CPNE3: variants seen among roughly 807,000 people sequenced by gnomAD.
CPNE3 encodes copine-3.
A neutral mutation model predicts 63.9 loss-of-function variants in CPNE3; 68 were observed. That is an observed-to-expected ratio of 1.06 (90% CI 0.87 to 1.30). The LOEUF (loss-of-function observed/expected upper bound fraction) is 1.30. CPNE3 is among the 50% of genes most tolerant of loss of function. The pLI is 0.00. For synonymous variants in CPNE3, 219 were observed against 197.5 expected, an observed-to-expected ratio of 1.11 and a Z score of -0.91; for missense variants, 665 against 578.1, an observed-to-expected ratio of 1.15 and a Z score of -1.54.
At chr8:86,527,304 C>A (rs1820562340) in intron 2 of CPNE3, among the ~76,000 whole-genome samples, 2 of 152,132 alleles carry the variant, frequency 1.3e-5, no homozygotes, top group Non-Finnish European at 2.9e-5. Flanking sequence ...ATGCCTAGTT[C>A]CTTTTCATGG....
chr8:86,516,190 C>G (rs28687116), intron 2 of CPNE3, among the ~76,000 whole-genome samples: 1 of 152,052 alleles, frequency 6.6e-6, no homozygotes, highest in East Asian at 1.9e-4. Context: ...CAAAAGGTGC[C>G]TGGCACAAAC....
intron 2 of CPNE3, among the ~76,000 whole-genome samples, chr8:86,526,615 C>T (rs961109871): frequency 2.6e-5 from 4 of 151,942 alleles, no homozygotes; most frequent in Non-Finnish European, 4.4e-5. Flanking sequence ...CAGTCTCAAG[C>T]GATCCTCCTA....
chr8:86,556,084 G>A lies in CPNE3; in HGVS notation c.1255-18G>A, dbSNP rs770823648. ...ATTGCTTGACTTGCTCAGGGGACATGTTTTCTTTTTCTGGCAGCAATATTT... is the reference window on the plus strand; with the variant it reads ...ATTGCTTGACTTGCTCAGGGGACATATTTTCTTTTTCTGGCAGCAATATTT... On this transcript the variant is annotated intron_variant, in intron 15 of 16. Transcript: ENST00000517490. The A allele has an allele frequency of 2.3e-6, 2 of 871,260 alleles. No homozygotes were observed. The highest frequency in any genetic ancestry group is 1.7e-5 in the Admixed American group (1 of 59,144). The allele number at this position is 871,260 out of a possible 1,614,324, so 54.0% of individuals were successfully genotyped here.
intron 7 of CPNE3, 37 bp downstream of exon 7, chr8:86,537,683 T>C: frequency 8.7e-7 from 1 of 1,153,486 alleles, no homozygotes; most frequent in South Asian, 1.2e-5. Context: ...GTGGAGGTGT[T>C]CTTTGAAATT....
intron 5 of CPNE3, 106 bp downstream of exon 5, chr8:86,531,335 A>G (rs924424617): frequency 2.4e-5 from 17 of 701,454 alleles, no homozygotes; most frequent in Middle Eastern, 2.4e-4. Flanking sequence ...TTGTCACTCA[A>G]TCTTGAATGT....
chr8:86,553,064 A>ATGT (rs1377333379), intron 14 of CPNE3, among the ~76,000 whole-genome samples: 1 of 148,458 alleles, frequency 6.7e-6, no homozygotes, highest in Non-Finnish European at 1.5e-5. Context: ...GGGTTTCACC[A>ATGT]TGTTGGCCAG....
intron 3 of CPNE3, 25 bp from the exon 4 acceptor site, chr8:86,528,920 T>C (rs1820603372): frequency 1.9e-6 from 3 of 1,587,072 alleles, no homozygotes; most frequent in Non-Finnish European, 2.6e-6. Flanking sequence ...TGAAGAAACT[T>C]TTTTGTTTTT....
Position 86,556,770 on chromosome 8 carries a change from T to A in CPNE3, c.1491+432T>A, listed in dbSNP as rs1585929237. Among the ~76,000 whole-genome samples, 6 of 152,182 alleles carry A rather than the reference T, an allele frequency of 3.9e-5. No individual in the cohort carries two copies. In the South Asian group the frequency reaches 1.2e-3, roughly 32 times the overall value. On this transcript the variant is annotated intron_variant, in intron 16 of 16. Transcript: ENST00000517490. ...ACAGTGGTATAATCAAGATGCATCA[T>A]AAGGATCCCCCTGGTTGCCCTTTTA...
Position 86,537,571 on chromosome 8 carries a change from TG to T in CPNE3, c.470del (p.Gly157GlufsTer19). ...GTTTGTTTTAAATGTAGGATCTATTTGGAAAGTCAGACCCATACCTGGAATT... is the reference window on the plus strand; with the variant it reads ...GTTTGTTTTAAATGTAGGATCTATTTGAAAGTCAGACCCATACCTGGAATT... ...ARKLDNKDLF[G>X]KSDPYLEFHK... On this transcript the variant is annotated frameshift_variant, in exon 7 of 17. Coordinates refer to ENST00000517490, the MANE Select transcript of CPNE3 (RefSeq NM_003909.5). LOFTEE classifies it high-confidence loss of function. 2 of 1,597,846 alleles carry T rather than the reference TG, an allele frequency of 1.3e-6. No individual in the cohort carries two copies. The highest frequency in any genetic ancestry group is 1.7e-6 in the Non-Finnish European group (2 of 1,165,362).
intron 2 of CPNE3, among the ~76,000 whole-genome samples, chr8:86,522,984 A>G (rs1345834513): frequency 6.6e-6 from 1 of 152,216 alleles, no homozygotes. Context: ...TGTAAATCCC[A>G]AAAATCATTA....
intron 8 of CPNE3, among the ~76,000 whole-genome samples, chr8:86,541,880 A>AT (rs1820950128): frequency 6.6e-6 from 1 of 152,160 alleles, no homozygotes; most frequent in South Asian, 2.1e-4. Context: ...ATTTTTTATC[A>AT]TTTTGCCAAA....
chr8:86,541,836 C>T (rs114033448), intron 8 of CPNE3, among the ~76,000 whole-genome samples: 55 of 151,966 alleles, frequency 3.6e-4, no homozygotes, highest in African/African-American at 1.2e-3. Context: ...AATCCAGGTC[C>T]GAAATAAATA....
chr8:86,547,496 C>T, intron 10 of CPNE3: 1 of 467,428 alleles, frequency 2.1e-6, no homozygotes, highest in Non-Finnish European at 3.8e-6. Flanking sequence ...CATTAGTATT[C>T]TAATCTTAAC....
In CPNE3 at chr8:86,556,284, C is replaced by T. The variant is rs562012874; in HGVS notation, c.1437C>T (p.Gly479=). The change falls in exon 16 of 17, where the codon GGC becomes GGT. Residue 479 remains glycine (G), a synonymous_variant. Coordinates refer to ENST00000517490, the MANE Select transcript of CPNE3 (RefSeq NM_003909.5). The stretch of plus-strand genomic sequence containing the variant: ...GTGGAAGTCTCCGCTCCCCATTGGG[C>T]GAAGTGGCCATCAGAGATATTGTCC... The part of the protein sequence containing the change: ...GDGGSLRSPL[G]EVAIRDIVQF... 29 of 872,986 alleles carry T rather than the reference C, an allele frequency of 3.3e-5. No homozygotes were observed. Among genetic ancestry groups the T allele is most frequent in the South Asian group, 1.4e-4 (11 of 76,548 alleles). 54.1% of individuals were successfully genotyped at this position (872,986 alleles called of 1,614,324 possible). A position where few individuals can be genotyped will look rare whatever the true frequency, so the allele number is the denominator to read the frequency against.
At chr8:86,538,337 T>G (rs1472374508) in intron 7 of CPNE3, among the ~76,000 whole-genome samples, 1 of 152,134 alleles carries the variant, frequency 6.6e-6, no homozygotes, top group African/African-American at 2.4e-5. Context: ...ATCGCACCAC[T>G]GCACTCCATC....
chr8:86,517,899 A>G (rs1820351066), intron 2 of CPNE3, among the ~76,000 whole-genome samples: 1 of 152,226 alleles, frequency 6.6e-6, no homozygotes, highest in South Asian at 2.1e-4. Context: ...AGTACTATTA[A>G]ACTGCTCATG....
chr8:86,537,673 G>T, intron 7 of CPNE3, 27 bp downstream of exon 7: 2 of 1,252,572 alleles, frequency 1.6e-6, no homozygotes, highest in South Asian at 1.2e-5. Flanking sequence ...GAAAAGCAGA[G>T]TGGAGGTGTT....
chr8:86,520,964 A>G (rs930097977), intron 2 of CPNE3, among the ~76,000 whole-genome samples: 14 of 151,750 alleles, frequency 9.2e-5, no homozygotes, highest in African/African-American at 3.1e-4. Context: ...GTTTTGTTTT[A>G]TGTATATTTA....
chr8:86,546,075 A>G (rs1429210882), intron 9 of CPNE3, among the ~76,000 whole-genome samples: 1 of 152,076 alleles, frequency 6.6e-6, no homozygotes, highest in African/African-American at 2.4e-5. Flanking sequence ...TGTTAGATCA[A>G]TTTTTAACAT....
Sources: gnomAD v4.1 joint callset for allele counts (sites outside exome capture counted in the v4.1 genomes callset) on GRCh38, gnomAD v4.1.1 for gene constraint, MANE v1.5 for transcripts, NCBI Gene and HGNC (gene_info 2026-07-23, HGNC 2026-07-21) for gene names.